ADAMTS12: variants seen among roughly 807,000 people sequenced by gnomAD.
ADAMTS12 encodes A disintegrin and metalloproteinase with thrombospondin motifs 12.
Under a neutral mutation model 167.8 loss-of-function variants are expected in ADAMTS12, and 118 were observed. The observed-to-expected ratio is 0.70, with a 90% confidence interval of 0.61 to 0.82. The LOEUF (loss-of-function observed/expected upper bound fraction) is 0.82, where lower values mean the gene tolerates loss of function less well. Among genes scored for constraint, ADAMTS12 ranks in the 40% least tolerant of loss-of-function variants. The pLI is 0.00. For missense variants in ADAMTS12, 1,916 were observed against 1,998.8 expected (o/e 0.96, Z 0.79); for synonymous variants, 704 against 716.9 (o/e 0.98, Z 0.29).
intron 2 of ADAMTS12, among the ~76,000 whole-genome samples, chr5:33,860,967 C>T (rs866689898): frequency 2.6e-5 from 4 of 152,252 alleles, no homozygotes; most frequent in Middle Eastern, 3.4e-3. Flanking sequence ...AAATCCTTTA[C>T]ACACAAGCAA....
At chr5:33,866,092 G>T (rs969039036) in intron 2 of ADAMTS12, among the ~76,000 whole-genome samples, 2 of 152,006 alleles carry the variant, frequency 1.3e-5, no homozygotes, top group African/African-American at 4.8e-5. Context: ...ATTTTTCACA[G>T]AATTAGAAAA....
At chr5:33,609,496 C>T (rs1369483890) in intron 16 of ADAMTS12, among the ~76,000 whole-genome samples, 3 of 151,742 alleles carry the variant, frequency 2.0e-5, no homozygotes, top group Non-Finnish European at 2.9e-5. Flanking sequence ...TCAGCCCCCA[C>T]AGTAGCTGGG....
chr5:33,713,097 T>C (rs149450007), intron 3 of ADAMTS12, among the ~76,000 whole-genome samples: 185 of 149,562 alleles, frequency 1.2e-3, no homozygotes, highest in African/African-American at 4.4e-3. Context: ...TCTGAATGGA[T>C]GTTTCTGAAA....
At chr5:33,735,255 C>T (rs1379011651) in intron 3 of ADAMTS12, among the ~76,000 whole-genome samples, 1 of 152,078 alleles carries the variant, frequency 6.6e-6, no homozygotes, top group Non-Finnish European at 1.5e-5. Context: ...CTAGGGTTTT[C>T]GATTCAATAA....
In ADAMTS12 at chr5:33,891,956, A is replaced by C; in HGVS notation, c.-100T>G. 6.8e-7 allele frequency: 1 copy of C among 1,470,692 alleles called. No individual in the cohort carries two copies. Among genetic ancestry groups the C allele is most frequent in the South Asian group, 1.4e-5 (1 of 73,836 alleles). The allele number at this position is 1,470,692 out of a possible 1,614,324, so 91.1% of individuals were successfully genotyped here. A position where few individuals can be genotyped will look rare whatever the true frequency, so the allele number is the denominator to read the frequency against. On this transcript the variant is annotated 5_prime_UTR_variant, in exon 1 of 24. An upstream start codon of the reference 5' UTR is lost. Transcript: ENST00000504830. ...GCCCAGCAGGAAGATGCAGGGGTGCATGGTCAGGCGCGAGAAGGCAGCGAC... is the reference window on the plus strand; with the variant it reads ...GCCCAGCAGGAAGATGCAGGGGTGCCTGGTCAGGCGCGAGAAGGCAGCGAC...
At chr5:33,545,945 G>C (rs1406330172) in intron 22 of ADAMTS12, 114 bp downstream of exon 22, 4 of 1,290,946 alleles carry the variant, frequency 3.1e-6, no homozygotes, top group South Asian at 1.6e-5. Flanking sequence ...AACCAACGTG[G>C]CACATGTATA....
At chr5:33,718,941 G>A (rs554130635) in intron 3 of ADAMTS12, among the ~76,000 whole-genome samples, 5 of 152,248 alleles carry the variant, frequency 3.3e-5, no homozygotes, top group Non-Finnish European at 7.4e-5. Context: ...TGTGTTAAAC[G>A]CCAGGAAGCA....
At chr5:33,790,158 T>A (rs527461805) in intron 2 of ADAMTS12, among the ~76,000 whole-genome samples, 40 of 152,304 alleles carry the variant, frequency 2.6e-4, no homozygotes, top group African/African-American at 9.4e-4. Context: ...CACATAGTAT[T>A]TAGTTGTTTT....
chr5:33,652,403 T>C (rs185212436), intron 7 of ADAMTS12, among the ~76,000 whole-genome samples: 2 of 152,146 alleles, frequency 1.3e-5, no homozygotes, highest in South Asian at 2.1e-4. Flanking sequence ...ATTTTTTATA[T>C]GTTTATTGGC....
intron 22 of ADAMTS12, among the ~76,000 whole-genome samples, chr5:33,536,281 G>A (rs377015726): frequency 6.6e-5 from 10 of 152,152 alleles, no homozygotes; most frequent in South Asian, 2.1e-4. Flanking sequence ...GACTACAGGC[G>A]TGTGCCACCA....
At position 33,820,962 on chromosome 5, in the gene ADAMTS12, G is replaced by A. The variant is rs1024645232; in HGVS notation, c.489+60157C>T. On this transcript the variant is annotated intron_variant, in intron 2 of 23. Coordinates refer to ENST00000504830, the MANE Select transcript of ADAMTS12 (RefSeq NM_030955.4). The stretch of plus-strand genomic sequence containing the variant: ...CATAGAGGAAAACAACATACACTGC[G>A]GCCTTTCAGAGGGTGGAGTGTGAGA... Among the ~76,000 whole-genome samples the A allele has an allele frequency of 3.9e-5, 6 of 152,220 alleles. No individual in the cohort carries two copies. In the South Asian group the frequency reaches 1.0e-3, roughly 26 times the overall value.
chr5:33,549,406 G>A (rs370283292), intron 20 of ADAMTS12, 23 bp from the exon 21 acceptor site: 373 of 1,597,932 alleles, frequency 2.3e-4, no homozygotes, highest in Non-Finnish European at 2.9e-4. Flanking sequence ...AAAAATCAAA[G>A]GCGATCTCTG....
chr5:33,682,092 A>G (rs867054894), intron 5 of ADAMTS12, among the ~76,000 whole-genome samples: 1 of 152,266 alleles, frequency 6.6e-6, no homozygotes, highest in Non-Finnish European at 1.5e-5. Flanking sequence ...GCAGTAGCCT[A>G]TGCAAGATAT....
At chr5:33,886,325 G>A (rs936412879) in intron 1 of ADAMTS12, among the ~76,000 whole-genome samples, 1 of 152,168 alleles carries the variant, frequency 6.6e-6, no homozygotes, top group Non-Finnish European at 1.5e-5. Flanking sequence ...CACTTGCTAT[G>A]AGCCAGCTAC....
chr5:33,797,344 G>A (rs1199469361), intron 2 of ADAMTS12, among the ~76,000 whole-genome samples: 1 of 152,004 alleles, frequency 6.6e-6, no homozygotes, highest in Non-Finnish European at 1.5e-5. Flanking sequence ...GCTATCTCCT[G>A]GAGTTATAAG....
chr5:33,806,991 T>A (rs377607540), intron 2 of ADAMTS12, among the ~76,000 whole-genome samples: 2 of 152,174 alleles, frequency 1.3e-5, no homozygotes, highest in Admixed American at 6.5e-5. Flanking sequence ...ACTCGTGTCA[T>A]ACCCCTGTTA....
At chr5:33,625,965 C>A (rs1377611023) in intron 13 of ADAMTS12, among the ~76,000 whole-genome samples, 1 of 152,234 alleles carries the variant, frequency 6.6e-6, no homozygotes, top group South Asian at 2.1e-4. Context: ...AGAAAGCCCA[C>A]AACAGTATGC....
intron 16 of ADAMTS12, among the ~76,000 whole-genome samples, chr5:33,601,769 A>G (rs1738201136): frequency 6.6e-6 from 1 of 152,216 alleles, no homozygotes; most frequent in South Asian, 2.1e-4. Flanking sequence ...TAAAACTCCA[A>G]GCCACTACTT....
chr5:33,691,588 C>T (rs764744688), intron 3 of ADAMTS12, among the ~76,000 whole-genome samples: 60 of 152,186 alleles, frequency 3.9e-4, no homozygotes, highest in Admixed American at 1.4e-3. Flanking sequence ...GGGAAGCAGG[C>T]GAGACATGGA....
Sources: gnomAD v4.1 joint callset for allele counts (sites outside exome capture counted in the v4.1 genomes callset) on GRCh38, gnomAD v4.1.1 for gene constraint, MANE v1.5 for transcripts, NCBI Gene and HGNC (gene_info 2026-07-23, HGNC 2026-07-21) for gene names.